Variants in PRKD3 observed in about 807,000 individuals in gnomAD.
The protein encoded by PRKD3 is serine/threonine-protein kinase D3.
Under a neutral mutation model 99.2 loss-of-function variants are expected in PRKD3, and 47 were observed. The ratio of observed to expected loss-of-function variants is 0.47; its 90% CI spans 0.38 to 0.60. PRKD3 has a LOEUF of 0.60. Among genes scored for constraint, PRKD3 ranks in the 20% least tolerant of loss-of-function variants. The pLI is 0.00. For missense variants in PRKD3, 1,019 were observed against 1,088.4 expected (o/e 0.94, Z 0.90); for synonymous variants, 392 against 355.4 (o/e 1.10, Z -1.16).
intron 6 of PRKD3, among the ~76,000 whole-genome samples, chr2:37,284,380 A>G (rs895162701): frequency 6.6e-5 from 10 of 152,234 alleles, no homozygotes; most frequent in African/African-American, 2.4e-4. Context: ...ATAATCCAGT[A>G]GCAGAATTAA....
chr2:37,257,715 C>T (rs1668092556), intron 16 of PRKD3, among the ~76,000 whole-genome samples: 1 of 148,800 alleles, frequency 6.7e-6, no homozygotes, highest in Non-Finnish European at 1.5e-5. Flanking sequence ...TTAAAAACAT[C>T]CCTTGTTTTG....
intron 15 of PRKD3, 56 bp downstream of exon 15, chr2:37,260,164 TAAA>T: frequency 2.8e-6 from 3 of 1,084,816 alleles, no homozygotes; most frequent in Non-Finnish European, 3.9e-6. Context: ...ACTCTTGTCT[TAAA>T]AAAAAAAAAA....
chr2:37,267,484 CATCTT>C lies in PRKD3; in HGVS notation c.1825_1829del (p.Lys609GlufsTer12), dbSNP rs1328366736. ...GACTTTCTTGTTTTGTGGGGAATCT[CATCTT>C]ATCAATTACTTTAATAGCCACATCC... On this transcript the variant is annotated frameshift_variant, in exon 14 of 19. Coordinates refer to ENST00000234179, the MANE Select transcript of PRKD3 (RefSeq NM_005813.6). LOFTEE classifies it high-confidence loss of function. The C allele has an allele frequency of 2.5e-6, 4 of 1,611,312 alleles. No individual in the cohort carries two copies. The highest frequency in any genetic ancestry group is 1.1e-5 in the South Asian group (1 of 90,616).
intron 16 of PRKD3, among the ~76,000 whole-genome samples, chr2:37,257,320 C>A (rs1381809144): frequency 6.6e-6 from 1 of 152,168 alleles, no homozygotes; most frequent in East Asian, 1.9e-4. Flanking sequence ...CCTTAGTGGC[C>A]TCACAGTGCC....
intron 2 of PRKD3, among the ~76,000 whole-genome samples, chr2:37,309,756 G>A (rs1489402789): frequency 6.6e-6 from 1 of 150,390 alleles, no homozygotes. Flanking sequence ...GCTGACGCAG[G>A]AGAATCCCTT....
At chr2:37,272,349 A>G in intron 12 of PRKD3, 31 bp downstream of exon 12, 1 of 1,593,460 alleles carries the variant, frequency 6.3e-7, no homozygotes, top group Non-Finnish European at 8.5e-7. Flanking sequence ...TTAATCACCC[A>G]GTTTACACAT....
At chr2:37,311,761 G>C (rs1438079937) in intron 2 of PRKD3, among the ~76,000 whole-genome samples, 1 of 151,984 alleles carries the variant, frequency 6.6e-6, no homozygotes, top group African/African-American at 2.4e-5. Context: ...TACTTATCTG[G>C]TCCTTAGGCT....
chr2:37,276,734 C>A (rs1669586108), intron 9 of PRKD3, among the ~76,000 whole-genome samples: 2 of 151,140 alleles, frequency 1.3e-5, no homozygotes, highest in Admixed American at 6.6e-5. Context: ...ACACTCAAAT[C>A]TTTGATACAT....
chr2:37,261,588 C>A (rs1668458425), intron 14 of PRKD3, among the ~76,000 whole-genome samples: 1 of 151,894 alleles, frequency 6.6e-6, no homozygotes, highest in African/African-American at 2.4e-5. Context: ...CGAGACCAGC[C>A]TGACCAACAT....
In PRKD3 at chr2:37,252,861, A is replaced by ATATG. The variant is rs1370221023; in HGVS notation, c.*315_*316insCATA. 4 of 149,176 alleles carry ATATG rather than the reference A, an allele frequency of 2.7e-5. No homozygotes were observed. Among genetic ancestry groups the ATATG allele is most frequent in the Admixed American group, 2.0e-4 (3 of 14,838 alleles). The allele number at this position is 149,176 out of a possible 1,614,324, so 9.2% of individuals were successfully genotyped here. ...TATATTTATATTTATATATATATAT[A>ATATG]TAAAGAGAAATGGGAAGACAAATTA... On this transcript the variant is annotated 3_prime_UTR_variant, in exon 19 of 19. Coordinates refer to ENST00000234179, the MANE Select transcript of PRKD3 (RefSeq NM_005813.6).
At chr2:37,313,276 G>C (rs1671519393) in intron 2 of PRKD3, among the ~76,000 whole-genome samples, 1 of 151,836 alleles carries the variant, frequency 6.6e-6, no homozygotes, top group African/African-American at 2.4e-5. Context: ...TTGACAACAG[G>C]TGGTGGGCCA....
intron 5 of PRKD3, among the ~76,000 whole-genome samples, chr2:37,288,615 T>C (rs1558557764): frequency 6.6e-6 from 1 of 152,194 alleles, no homozygotes; most frequent in Non-Finnish European, 1.5e-5. Context: ...ATCTACTGCC[T>C]TTGCCCTTGA....
chr2:37,289,747 G>C (rs568226734), intron 4 of PRKD3, among the ~76,000 whole-genome samples: 1 of 152,190 alleles, frequency 6.6e-6, no homozygotes, highest in Admixed American at 6.5e-5. Flanking sequence ...GGTCCCTAAG[G>C]CAACCACCTG....
chr2:37,319,750 C>G (rs1572710447), intron 1 of PRKD3, among the ~76,000 whole-genome samples: 1 of 127,576 alleles, frequency 7.8e-6, no homozygotes, highest in Non-Finnish European at 1.7e-5. Flanking sequence ...TAGAGCCATA[C>G]TGATTTAAAA....
At chr2:37,304,196 T>TAAAAAAAAA (rs70949750) in intron 2 of PRKD3, among the ~76,000 whole-genome samples, 1 of 93,972 alleles carries the variant, frequency 1.1e-5, no homozygotes. Flanking sequence ...AGGTACTTAC[T>TAAAAAAAAA]AAAAAAAAAA....
At chr2:37,259,903 G>A (rs1368321401) in intron 15 of PRKD3, among the ~76,000 whole-genome samples, 3 of 152,168 alleles carry the variant, frequency 2.0e-5, no homozygotes, top group African/African-American at 7.2e-5. Flanking sequence ...AGTGGCTCAT[G>A]CCTGTAATCC....
rs1667991681 is a variant in PRKD3 at position 37,256,816 on chromosome 2, G to T, written c.2259C>A (p.Tyr753Ter). 6.2e-7 allele frequency: 1 copy of T among 1,613,816 alleles called. No individual in the cohort carries two copies. The highest frequency in any genetic ancestry group is 8.5e-7 in the Non-Finnish European group (1 of 1,179,994). ...LAPEVLRSKG[Y>*]NRSLDMWSVG... ...CTGACCACATATCTAGGGAACGGTT[G>T]TAACCTTTGCTCCGGAGAACTTCAG... is the stretch of plus-strand genomic sequence containing the variant. Residue 753 changes from tyrosine (Y) to a stop codon, truncating the protein, a stop_gained, in exon 17 of 19, where the codon TAC (tyrosine) becomes TAA (stop). Transcript: ENST00000234179. LOFTEE classifies it high-confidence loss of function.
In PRKD3 at chr2:37,289,492, T is replaced by A. The variant is rs780581949; in HGVS notation, c.581A>T (p.Lys194Ile). 1.2e-6 allele frequency: 2 copies of A among 1,613,104 alleles called. No homozygotes were observed. Among genetic ancestry groups the A allele is most frequent in the Non-Finnish European group, 1.7e-6 (2 of 1,179,198 alleles). ...ATTTGGAATCTTGAAGGCACATCGT[T>A]TATGGTAATTTAATCCACAGCCTAA... ...KCEGCGLNYH[K>I]RCAFKIPNNC... The change falls in exon 5 of 19, where the codon AAA becomes ATA. Residue 194 changes from lysine (K) to isoleucine (I), a missense_variant. Lys to Ile is a moderately radical substitution (Grantham distance 102). This residue lies in a region of PRKD3 where 710 missense variants were observed against 692.7 expected (regional missense o/e 1.02). Transcript: ENST00000234179.
At chr2:37,255,441 G>GT (rs1290058193) in intron 17 of PRKD3, among the ~76,000 whole-genome samples, 1 of 152,178 alleles carries the variant, frequency 6.6e-6, no homozygotes, top group African/African-American at 2.4e-5. Flanking sequence ...CTTCCTATCA[G>GT]TATCAGCAGA....
Sources: allele counts gnomAD v4.1 joint callset (sites outside exome capture counted in the v4.1 genomes callset), GRCh38; gene constraint gnomAD v4.1.1; regional missense constraint gnomAD v4.1.1; transcripts MANE v1.5; gene names NCBI Gene and HGNC (gene_info 2026-07-23, HGNC 2026-07-21).